ZSWIM5: variants seen among roughly 807,000 people sequenced by gnomAD.
ZSWIM5 encodes zinc finger SWIM domain-containing protein 5.
Under a neutral mutation model 119.6 loss-of-function variants are expected in ZSWIM5, and 55 were observed. The observed-to-expected ratio is 0.46, with a 90% confidence interval of 0.37 to 0.58. The LOEUF (loss-of-function observed/expected upper bound fraction) is 0.58, where lower values mean the gene tolerates loss of function less well. Among genes scored for constraint, ZSWIM5 ranks in the 20% least tolerant of loss-of-function variants. ZSWIM5 has a pLI of 0.00. For synonymous variants in ZSWIM5, 537 were observed against 606.9 expected (o/e 0.88, Z 1.69); for missense variants, 1,193 against 1,512.8 (o/e 0.79, Z 3.51).
chr1:45,044,171 C>T (rs1645032790), intron 5 of ZSWIM5, among the ~76,000 whole-genome samples: 1 of 138,326 alleles, frequency 7.2e-6, no homozygotes, highest in Admixed American at 7.7e-5. Context: ...GCCTGGGTGA[C>T]AGAGCAAAAT....
At chr1:45,041,464 T>C (rs12142302) in intron 6 of ZSWIM5, among the ~76,000 whole-genome samples, 39,230 of 151,632 alleles carry the variant, frequency 0.26, 5,336 homozygotes, top group East Asian at 0.38. Flanking sequence ...AAAATACATA[T>C]AAAGAAATAT....
intron 1 of ZSWIM5, among the ~76,000 whole-genome samples, chr1:45,142,799 C>T (rs780059674): frequency 1.3e-5 from 2 of 151,770 alleles, no homozygotes; most frequent in Non-Finnish European, 2.9e-5. Context: ...CTTCTAAACT[C>T]GTTTCATGAT....
intron 1 of ZSWIM5, among the ~76,000 whole-genome samples, chr1:45,166,209 A>G (rs1645901679): frequency 1.3e-5 from 2 of 152,144 alleles, no homozygotes; most frequent in Admixed American, 1.3e-4. Context: ...AGAACCAAAG[A>G]TAAAAACCAC....
At chr1:45,151,471 TGAA>T (rs1297445922) in intron 1 of ZSWIM5, among the ~76,000 whole-genome samples, 1 of 151,952 alleles carries the variant, frequency 6.6e-6, no homozygotes, top group Non-Finnish European at 1.5e-5. Context: ...GATACATTAA[TGAA>T]GAAGAAAGGC....
Position 45,018,159 on chromosome 1 carries a change from C to G in ZSWIM5, c.*295G>C, listed in dbSNP as rs574038336. 1 of 430,154 alleles carries G rather than the reference C, an allele frequency of 2.3e-6. No individual in the cohort carries two copies. The highest frequency in any genetic ancestry group is 3.4e-5 in the South Asian group (1 of 29,208). The allele number at this position is 430,154 out of a possible 1,614,324, so 26.6% of individuals were successfully genotyped here. A position where few individuals can be genotyped will look rare whatever the true frequency, so the allele number is the denominator to read the frequency against. On this transcript the variant is annotated 3_prime_UTR_variant, in exon 14 of 14. Transcript: ENST00000359600. This position sits in a 1 kb window ranked among gnomAD's most constrained non-coding sequence, Gnocchi z 6.7. The stretch of plus-strand genomic sequence containing the variant: ...AGTGTTCTGTGTTTGCCAAGGGAGA[C>G]AGGGCCAATGCTCAGGACACGCAGG...
At chr1:45,114,840 G>A (rs1204645211) in intron 1 of ZSWIM5, among the ~76,000 whole-genome samples, 1 of 152,118 alleles carries the variant, frequency 6.6e-6, no homozygotes, top group African/African-American at 2.4e-5. Context: ...AGGGAGTGGT[G>A]ATGACTCTTA....
chr1:45,124,149 T>C (rs1645607751), intron 1 of ZSWIM5, among the ~76,000 whole-genome samples: 1 of 151,902 alleles, frequency 6.6e-6, no homozygotes, highest in South Asian at 2.1e-4. Context: ...AAAGAAGATA[T>C]CTCAAAACAC....
rs1018991704 is a variant in ZSWIM5 at position 45,206,489 on chromosome 1, C to T, written c.-139G>A. 8.6e-7 allele frequency: 1 copy of T among 1,163,252 alleles called. No individual in the cohort carries two copies. Among genetic ancestry groups the T allele is most frequent in the Non-Finnish European group, 1.1e-6 (1 of 944,818 alleles). 72.1% of individuals were successfully genotyped at this position (1,163,252 alleles called of 1,614,324 possible). The stretch of plus-strand genomic sequence containing the variant: ...GGGGCGAGAGAACCCGCGAGCCAGC[C>T]GGCCCGAGTGGGGAACCGCGGCCGG... On this transcript the variant is annotated 5_prime_UTR_variant, in exon 1 of 14. Coordinates refer to ENST00000359600, the MANE Select transcript of ZSWIM5 (RefSeq NM_020883.2).
chr1:45,120,621 C>G (rs891798134), intron 1 of ZSWIM5, among the ~76,000 whole-genome samples: 2 of 151,902 alleles, frequency 1.3e-5, no homozygotes, highest in Non-Finnish European at 1.5e-5. Flanking sequence ...GTACATGCTA[C>G]CATGCCTGGC....
At chr1:45,100,701 T>G (rs1236644092) in intron 1 of ZSWIM5, among the ~76,000 whole-genome samples, 1 of 151,946 alleles carries the variant, frequency 6.6e-6, no homozygotes, top group African/African-American at 2.4e-5. Flanking sequence ...CCAAAACAGA[T>G]ATACAGACCA....
intron 1 of ZSWIM5, among the ~76,000 whole-genome samples, chr1:45,119,345 T>G (rs1262487766): frequency 6.6e-6 from 1 of 152,158 alleles, no homozygotes; most frequent in Admixed American, 6.5e-5. Context: ...GAAGTCTCTG[T>G]GAAATAATTA....
intron 1 of ZSWIM5, among the ~76,000 whole-genome samples, chr1:45,125,038 A>G (rs541573503): frequency 4.7e-4 from 71 of 152,022 alleles, no homozygotes; most frequent in Non-Finnish European, 7.9e-4. Context: ...CAGAAAATCA[A>G]CAAGGAATAA....
At position 45,025,630 on chromosome 1, in the gene ZSWIM5, A is replaced by G. The variant is rs140866888; in HGVS notation, c.2450-4842T>C. ...AATTCCAATTGTTCTTTGCTGGCAT[A>G]TAGGAAAGCAATTGAATTTTGTATA... On this transcript the variant is annotated intron_variant, in intron 11 of 13. Coordinates refer to ENST00000359600, the MANE Select transcript of ZSWIM5 (RefSeq NM_020883.2). Among the ~76,000 whole-genome samples the G allele has an allele frequency of 5.0e-3, 755 of 152,316 alleles. 9 individuals carry two copies. Among genetic ancestry groups the G allele is most frequent in the African/African-American group, 0.018 (728 of 41,572 alleles).
At chr1:45,077,436 C>T (rs1404873339) in intron 2 of ZSWIM5, among the ~76,000 whole-genome samples, 5 of 152,022 alleles carry the variant, frequency 3.3e-5, no homozygotes, top group Admixed American at 2.6e-4. Flanking sequence ...GATTTTCAAA[C>T]GGGGAGGGAG....
In ZSWIM5 at chr1:45,193,938, G is replaced by GTATA. The variant is rs112350029; in HGVS notation, c.595+11814_595+11817dup. Among the ~76,000 whole-genome samples the GTATA allele has an allele frequency of 5.8e-3, 845 of 146,262 alleles. 5 individuals are homozygous for GTATA. Among genetic ancestry groups the GTATA allele is most frequent in the African/African-American group, 0.018 (715 of 39,590 alleles). On this transcript the variant is annotated intron_variant, in intron 1 of 13. Transcript: ENST00000359600. ...TATGTGTACATATGTGTGCATATGT[G>GTATA]TATATATATATATATATACATACAT...
chr1:45,200,376 A>T (rs1209775769), intron 1 of ZSWIM5, among the ~76,000 whole-genome samples: 1 of 152,244 alleles, frequency 6.6e-6, no homozygotes, highest in East Asian at 1.9e-4. Context: ...TATGTTAGAA[A>T]GAAATAAGCC....
intron 5 of ZSWIM5, among the ~76,000 whole-genome samples, chr1:45,046,632 A>ATGTG (rs1491125778): frequency 1.1e-5 from 1 of 92,524 alleles, no homozygotes; most frequent in African/African-American, 5.3e-5. Flanking sequence ...TCTGGGCAAG[A>ATGTG]TATGTGTGTG....
chr1:45,081,710 T>G (rs1355395587), intron 2 of ZSWIM5, among the ~76,000 whole-genome samples: 1 of 152,130 alleles, frequency 6.6e-6, no homozygotes. Flanking sequence ...GTGCCGAGAT[T>G]GCAGCCTCTG....
intron 1 of ZSWIM5, among the ~76,000 whole-genome samples, chr1:45,109,546 C>T (rs1193956599): frequency 2.0e-5 from 3 of 152,010 alleles, no homozygotes; most frequent in Admixed American, 1.3e-4. Context: ...GAGTTCAAGA[C>T]CAGCCCGCCC....
Sources: allele counts gnomAD v4.1 joint callset (sites outside exome capture counted in the v4.1 genomes callset), GRCh38; gene constraint gnomAD v4.1.1; non-coding constraint Gnocchi (gnomAD v3.1); transcripts MANE v1.5; gene names NCBI Gene and HGNC (gene_info 2026-07-23, HGNC 2026-07-21).